Variants in TRHDE observed in about 807,000 individuals in gnomAD.
TRHDE encodes the protein thyrotropin releasing hormone degrading enzyme.
TRHDE carries 72 observed loss-of-function variants against 125.7 expected under a neutral mutation model. That is an observed-to-expected ratio of 0.57 (90% CI 0.47 to 0.70). The LOEUF (loss-of-function observed/expected upper bound fraction) is 0.70, where lower values mean the gene tolerates loss of function less well. Among genes scored for constraint, TRHDE ranks in the 30% least tolerant of loss-of-function variants. TRHDE has a pLI of 0.00. For missense variants in TRHDE, 1,110 were observed against 1,327.1 expected (o/e 0.84, Z 2.54); for synonymous variants, 509 against 509.1 (o/e 1.00, Z 0.00).
At chr12:72,158,192 GA>G (rs1876560238) in intron 2 of TRHDE, among the ~76,000 whole-genome samples, 1 of 152,090 alleles carries the variant, frequency 6.6e-6, no homozygotes, top group African/African-American at 2.4e-5. Flanking sequence ...TATAGGCAAT[GA>G]ATTTTTTTAT....
chr12:72,098,058 A>T (rs1874976282), intron 1 of TRHDE, among the ~76,000 whole-genome samples: 1 of 151,614 alleles, frequency 6.6e-6, no homozygotes, highest in African/African-American at 2.4e-5. Flanking sequence ...TTTATTTTTT[A>T]TTTTTATAGA....
intron 5 of TRHDE, among the ~76,000 whole-genome samples, chr12:72,477,718 T>C (rs1197060376): frequency 1.3e-5 from 2 of 152,206 alleles, no homozygotes; most frequent in East Asian, 3.8e-4. Flanking sequence ...AAAAAGTTTA[T>C]GTTAAAATTT....
At chr12:72,623,114 C>A (rs574527124) in intron 15 of TRHDE, among the ~76,000 whole-genome samples, 1 of 151,982 alleles carries the variant, frequency 6.6e-6, no homozygotes, top group South Asian at 2.1e-4. Flanking sequence ...TCAATTCTAC[C>A]ACGTTTAATC....
intron 6 of TRHDE, among the ~76,000 whole-genome samples, chr12:72,534,349 T>C (rs114711501): frequency 4.7e-4 from 72 of 152,242 alleles, no homozygotes; most frequent in African/African-American, 1.6e-3. Flanking sequence ...AGAACTAACA[T>C]AGTTGTGGAA....
At chr12:72,135,539 G>A (rs1437778920) in intron 2 of TRHDE, among the ~76,000 whole-genome samples, 1 of 150,416 alleles carries the variant, frequency 6.6e-6, no homozygotes, top group Non-Finnish European at 1.5e-5. Flanking sequence ...TTTCTATAGT[G>A]TGTAAACATG....
intron 3 of TRHDE, among the ~76,000 whole-genome samples, chr12:72,469,184 G>T (rs1876526124): frequency 6.6e-6 from 1 of 152,080 alleles, no homozygotes; most frequent in South Asian, 2.1e-4. Context: ...CAGAGCCTGT[G>T]GGTCCCCTCA....
At chr12:72,498,753 C>T (rs1306769555) in intron 5 of TRHDE, among the ~76,000 whole-genome samples, 1 of 152,136 alleles carries the variant, frequency 6.6e-6, no homozygotes, top group African/African-American at 2.4e-5. Context: ...TTCTCCAGAG[C>T]AAATACTAAT....
intron 2 of TRHDE, among the ~76,000 whole-genome samples, chr12:72,338,582 T>C (rs17783527): frequency 0.35 from 52,733 of 151,964 alleles, 9,881 homozygotes; most frequent in Non-Finnish European, 0.43. Context: ...ACGTCACTTG[T>C]TTGTACTGAG....
chr12:72,608,760 C>T (rs1327624146), intron 12 of TRHDE, among the ~76,000 whole-genome samples: 3 of 152,088 alleles, frequency 2.0e-5, no homozygotes, highest in Non-Finnish European at 4.4e-5. Context: ...ACTTCATATC[C>T]CCTATAATTT....
chr12:72,455,170 A>G (rs528457372), intron 3 of TRHDE, among the ~76,000 whole-genome samples: 1 of 152,292 alleles, frequency 6.6e-6, no homozygotes, highest in South Asian at 2.1e-4. Flanking sequence ...TGATGTTCTC[A>G]GGCTTAATAT....
At chr12:72,098,887 T>C (rs1469024907) in intron 1 of TRHDE, among the ~76,000 whole-genome samples, 1 of 152,192 alleles carries the variant, frequency 6.6e-6, no homozygotes, top group East Asian at 1.9e-4. Context: ...AATCACTGTC[T>C]GGGCTTCGTG....
At chr12:72,311,288 T>A (rs1175349691) in intron 2 of TRHDE, among the ~76,000 whole-genome samples, 1 of 152,172 alleles carries the variant, frequency 6.6e-6, no homozygotes, top group Non-Finnish European at 1.5e-5. Context: ...TCTGGAAACC[T>A]GTTATTGGAC....
At chr12:72,534,709 T>C (rs536411005) in intron 6 of TRHDE, among the ~76,000 whole-genome samples, 1 of 152,246 alleles carries the variant, frequency 6.6e-6, no homozygotes, top group South Asian at 2.1e-4. Flanking sequence ...TTGATGGAAA[T>C]ATTATTATCA....
intron 2 of TRHDE, among the ~76,000 whole-genome samples, chr12:72,136,898 T>C (rs1875999115): frequency 1.3e-5 from 2 of 152,306 alleles, no homozygotes; most frequent in South Asian, 4.2e-4. Flanking sequence ...GGAAGAAGCT[T>C]CCTCTTCCTG....
intron 12 of TRHDE, among the ~76,000 whole-genome samples, chr12:72,577,350 T>C (rs1357424589): frequency 6.6e-6 from 1 of 152,196 alleles, no homozygotes; most frequent in Admixed American, 6.5e-5. Context: ...ATATTATTAC[T>C]ATTCCCACTC....
intron 15 of TRHDE, among the ~76,000 whole-genome samples, chr12:72,645,580 C>A (rs1874247070): frequency 6.6e-6 from 1 of 152,062 alleles, no homozygotes; most frequent in African/African-American, 2.4e-5. Flanking sequence ...CTGAAAACTT[C>A]ACAAATCTAG....
intron 2 of TRHDE, chr12:72,256,258 C>A (rs1437555132): frequency 3.3e-5 from 5 of 152,192 alleles, no homozygotes; most frequent in Non-Finnish European, 2.9e-5. Context: ...ACCCCACCTA[C>A]TTTTCCTTTT....
intron 15 of TRHDE, among the ~76,000 whole-genome samples, chr12:72,642,700 T>C (rs1267281324): frequency 1.3e-5 from 2 of 152,132 alleles, no homozygotes; most frequent in African/African-American, 2.4e-5. Context: ...AAGCAGTGTT[T>C]AAAGAGAAAT....
rs942464146 is a variant in TRHDE at position 72,669,694 on chromosome 12, A to G, written c.*6499A>G. 1 of 151,806 alleles carries G rather than the reference A, an allele frequency of 6.6e-6. No homozygotes were observed. Among genetic ancestry groups the G allele is most frequent in the African/African-American group, 2.4e-5 (1 of 41,412 alleles). 9.4% of individuals were successfully genotyped at this position (151,806 alleles called of 1,614,324 possible). On this transcript the variant is annotated 3_prime_UTR_variant, in exon 19 of 19. Transcript: ENST00000261180. Reference sequence around the variant, plus strand: ...GTTTTTGCTATTAATTTTCATTTAAAATAGGTTTATTAACTAGCAAATCTC... The same window carrying G: ...GTTTTTGCTATTAATTTTCATTTAAGATAGGTTTATTAACTAGCAAATCTC...
Sources: gnomAD v4.1 joint callset for allele counts (sites outside exome capture counted in the v4.1 genomes callset) on GRCh38, gnomAD v4.1.1 for gene constraint, MANE v1.5 for transcripts, NCBI Gene and HGNC (gene_info 2026-07-23, HGNC 2026-07-21) for gene names.